Variants in VTCN1 observed in about 807,000 individuals in gnomAD.
VTCN1 encodes the protein V-set domain-containing T-cell activation inhibitor 1.
A neutral mutation model predicts 26.5 loss-of-function variants in VTCN1; 26 were observed. The observed-to-expected ratio is 0.98, with a 90% CI of 0.72 to 1.36. The LOEUF (loss-of-function observed/expected upper bound fraction) is 1.36, where lower values mean the gene tolerates loss of function less well. Among genes scored for constraint, VTCN1 ranks in the 40% most tolerant of loss-of-function variants. VTCN1 has a pLI of 0.00. For synonymous variants in VTCN1, 116 were observed against 130.7 expected, an observed-to-expected ratio of 0.89 and a Z score of 0.77; for missense variants, 298 against 337.7, an observed-to-expected ratio of 0.88 and a Z score of 0.92.
chr1:117,191,295 CA>C (rs1648232459), intron 1 of VTCN1, among the ~76,000 whole-genome samples: 2 of 152,122 alleles, frequency 1.3e-5, no homozygotes, highest in African/African-American at 4.8e-5. Context: ...ATCAAGTGAT[CA>C]AATATATCCA....
chr1:117,158,488 C>T (rs1235835643), intron 2 of VTCN1, among the ~76,000 whole-genome samples: 1 of 152,208 alleles, frequency 6.6e-6, no homozygotes, highest in African/African-American at 2.4e-5. Flanking sequence ...AGCTGGGATA[C>T]AGGAAACCAA....
In VTCN1 at chr1:117,146,284, GAC is replaced by G. The variant is rs1651497693; in HGVS notation, c.*46-1061_*46-1060del. 6.6e-6 allele frequency among the ~76,000 whole-genome samples: 1 copy of G among 152,202 alleles called. No individual in the cohort carries two copies. The highest frequency in any genetic ancestry group is 2.4e-5 in the African/African-American group (1 of 41,452). On this transcript the variant is annotated intron_variant, in intron 5 of 5. Coordinates refer to ENST00000369458, the MANE Select transcript of VTCN1 (RefSeq NM_024626.4). This position sits in a 1 kb window ranked among gnomAD's most constrained non-coding sequence, Gnocchi z 4.2. ...CAGTTTCCTTAGGGAAATCTCTGCT[GAC>G]AACTGTGGAGGATTGGAAATGATGA...
chr1:117,150,786 C>T lies in VTCN1; in HGVS notation c.724+2305G>A, dbSNP rs556705333. Among the ~76,000 whole-genome samples, 3 of 152,274 alleles carry T rather than the reference C, an allele frequency of 2.0e-5. No homozygotes were observed. In the South Asian group the frequency reaches 6.2e-4, roughly 32 times the overall value. On this transcript the variant is annotated intron_variant, in intron 4 of 5. Coordinates refer to ENST00000369458, the MANE Select transcript of VTCN1 (RefSeq NM_024626.4). The stretch of plus-strand genomic sequence containing the variant: ...AAAAACCTTTCTCCTTCAACTCTTC[C>T]ACCCTGCCCTCTGCTAACCACCATT...
chr1:117,158,136 G>C (rs574201976), intron 2 of VTCN1, among the ~76,000 whole-genome samples: 122 of 152,324 alleles, frequency 8.0e-4, no homozygotes, highest in African/African-American at 2.6e-3. Flanking sequence ...AGTGCAAGCT[G>C]TCAGTGGATC....
chr1:117,148,696 C>A (rs960550794), intron 4 of VTCN1, among the ~76,000 whole-genome samples: 1 of 152,162 alleles, frequency 6.6e-6, no homozygotes, highest in African/African-American at 2.4e-5. Context: ...TAAATAACAG[C>A]CTCTTCCCCA....
rs1652258124 is a variant in VTCN1 at position 117,159,443 on chromosome 1, G to A, written c.98-2522C>T. Among the ~76,000 whole-genome samples the A allele has an allele frequency of 6.6e-6, 1 of 152,114 alleles. No homozygotes were observed. The highest frequency in any genetic ancestry group is 1.5e-5 in the Non-Finnish European group (1 of 68,024). On this transcript the variant is annotated intron_variant, in intron 2 of 5. Transcript: ENST00000369458. This position sits in a 1 kb window ranked among gnomAD's most constrained non-coding sequence, Gnocchi z 4.7. Reference sequence around the variant, plus strand: ...TTACTACCATGAGAACAGTATGGGGGGAACCACCCCCATGATTCAAATGAT... The same window carrying A: ...TTACTACCATGAGAACAGTATGGGGAGAACCACCCCCATGATTCAAATGAT...
rs1385708143 is a variant in VTCN1, at chr1:117,169,032, G to A, written c.97+1075C>T. ...CAGCATGTCTACACTGGAGAAGCAT[G>A]GCAGAAAGGCCACTGGAATATAGAA... is the stretch of plus-strand genomic sequence containing the variant. On this transcript the variant is annotated intron_variant, in intron 2 of 5. Coordinates refer to ENST00000369458, the MANE Select transcript of VTCN1 (RefSeq NM_024626.4). This position sits in a 1 kb window ranked among gnomAD's most constrained non-coding sequence, Gnocchi z 4.0. Among the ~76,000 whole-genome samples, 1 of 152,218 alleles carries A rather than the reference G, an allele frequency of 6.6e-6. No homozygotes were observed. The highest frequency in any genetic ancestry group is 1.5e-5 in the Non-Finnish European group (1 of 68,046).
intron 1 of VTCN1, among the ~76,000 whole-genome samples, chr1:117,190,628 C>T (rs1291651966): frequency 1.3e-5 from 2 of 152,156 alleles, no homozygotes; most frequent in Non-Finnish European, 2.9e-5. Context: ...AGACAGGATC[C>T]ATATCTGCCC....
chr1:117,160,489 A>G (rs1652311049), intron 2 of VTCN1, among the ~76,000 whole-genome samples: 1 of 152,184 alleles, frequency 6.6e-6, no homozygotes, highest in Non-Finnish European at 1.5e-5. Context: ...CTAATCACTC[A>G]TCTTTAATGG....
intron 1 of VTCN1, among the ~76,000 whole-genome samples, chr1:117,202,512 A>G (rs1243211603): frequency 6.6e-6 from 1 of 152,232 alleles, no homozygotes; most frequent in African/African-American, 2.4e-5. Flanking sequence ...AGCAATGTGG[A>G]GGTGATTAGA....
At chr1:117,194,146 A>G (rs1395396763) in intron 1 of VTCN1, among the ~76,000 whole-genome samples, 1 of 152,212 alleles carries the variant, frequency 6.6e-6, no homozygotes, top group African/African-American at 2.4e-5. Flanking sequence ...GTCAAAATAT[A>G]TAAGGAACTC....
At chr1:117,205,319 T>A (rs1297158669) in intron 1 of VTCN1, among the ~76,000 whole-genome samples, 23 of 151,816 alleles carry the variant, frequency 1.5e-4, no homozygotes, top group Non-Finnish European at 2.9e-5. Flanking sequence ...CACACCTTGT[T>A]GATTTTTGTA....
In VTCN1 at chr1:117,173,044, C is replaced by T. The variant is rs2101529995; in HGVS notation, c.33-2873G>A. ...CTGCTGCTCCCTCTTTGGGTCTGCA[C>T]TACCTTTATGAGCTGTAACACTTAC... On this transcript the variant is annotated intron_variant, in intron 1 of 5. Transcript: ENST00000369458. 6.2e-6 allele frequency: 4 copies of T among 647,196 alleles called. No homozygotes were observed. The Middle Eastern group carries it at 1.2e-3, about 199-fold the overall frequency. The allele number at this position is 647,196 out of a possible 1,614,324, so 40.1% of individuals were successfully genotyped here.
At chr1:117,208,830 T>C (rs1649223573) in intron 1 of VTCN1, among the ~76,000 whole-genome samples, 1 of 152,190 alleles carries the variant, frequency 6.6e-6, no homozygotes, top group Non-Finnish European at 1.5e-5. Flanking sequence ...CTGGAAATTA[T>C]GAATACTTAG....
chr1:117,202,877 G>C (rs543363669), intron 1 of VTCN1, among the ~76,000 whole-genome samples: 3 of 152,164 alleles, frequency 2.0e-5, no homozygotes, highest in Admixed American at 2.0e-4. Flanking sequence ...TGCTGAAAAG[G>C]AAAAAAAGAG....
chr1:117,152,610 A>C (rs1331324984), intron 4 of VTCN1, among the ~76,000 whole-genome samples: 1 of 152,158 alleles, frequency 6.6e-6, no homozygotes, highest in East Asian at 1.9e-4. Context: ...AGTCAGTCTC[A>C]TGAGGGATGA....
intron 1 of VTCN1, among the ~76,000 whole-genome samples, chr1:117,197,657 T>A (rs1339588134): frequency 6.6e-6 from 1 of 152,186 alleles, no homozygotes; most frequent in Non-Finnish European, 1.5e-5. Flanking sequence ...TTGCTTGGCC[T>A]GCTCCCACCC....
At chr1:117,152,889 G>C (rs1283700398) in intron 4 of VTCN1, among the ~76,000 whole-genome samples, 1 of 151,686 alleles carries the variant, frequency 6.6e-6, no homozygotes, top group East Asian at 1.9e-4. Context: ...TGCCATCTTT[G>C]ACCTATATGC....
At chr1:117,200,535 G>A (rs572489956) in intron 1 of VTCN1, among the ~76,000 whole-genome samples, 31 of 152,244 alleles carry the variant, frequency 2.0e-4, no homozygotes, top group South Asian at 2.1e-4. Flanking sequence ...TAAGGGACAG[G>A]TAAACATTAC....
Sources: gnomAD v4.1 joint callset for allele counts (sites outside exome capture counted in the v4.1 genomes callset) on GRCh38, gnomAD v4.1.1 for gene constraint, Gnocchi (gnomAD v3.1) non-coding constraint, MANE v1.5 for transcripts, NCBI Gene and HGNC (gene_info 2026-07-23, HGNC 2026-07-21) for gene names.